The following PSMB1 variants were observed in gnomAD, a reference collection of about 807,000 sequenced individuals.
PSMB1 encodes the protein proteasome subunit beta type-1.
PSMB1 carries 7 observed loss-of-function variants against 25.4 expected under a neutral mutation model. The ratio of observed to expected loss-of-function variants is 0.28; its 90% CI spans 0.16 to 0.52. The LOEUF (loss-of-function observed/expected upper bound fraction) is 0.52. Among genes scored for constraint, PSMB1 ranks in the 20% least tolerant of loss-of-function variants. The pLI, the probability that PSMB1 is intolerant of heterozygous loss-of-function variation, is 0.97. For missense variants in PSMB1, 284 were observed against 302.2 expected (o/e 0.94, Z 0.45); for synonymous variants, 119 against 115.0 (o/e 1.03, Z -0.22).
chr6:170,540,332 C>T (rs904488821), intron 4 of PSMB1, among the ~76,000 whole-genome samples: 1 of 152,118 alleles, frequency 6.6e-6, no homozygotes, highest in African/African-American at 2.4e-5. Flanking sequence ...GAGCAAAACA[C>T]ATGAAATGGA....
chr6:170,540,772 T>G (rs936093513), intron 4 of PSMB1, among the ~76,000 whole-genome samples: 2 of 151,926 alleles, frequency 1.3e-5, no homozygotes, highest in African/African-American at 4.8e-5. Context: ...TCTTGGAAAT[T>G]AATGACACCA....
At chr6:170,553,075 T>C (rs1424301094) in intron 1 of PSMB1, 55 bp downstream of exon 1, 2 of 1,469,250 alleles carry the variant, frequency 1.4e-6, no homozygotes. Flanking sequence ...CTAAATAGGC[T>C]TCAGCAGATG....
In PSMB1 at chr6:170,539,728, G is replaced by A. The variant is rs570004229; in HGVS notation, c.434-2388C>T. On this transcript the variant is annotated intron_variant, in intron 4 of 5. Transcript: ENST00000262193. The stretch of plus-strand genomic sequence containing the variant: ...ATCTGACCCAATACTTCAACTACTC[G>A]AAGTTTATTCTAGCAAGACAAGCAT... Among the ~76,000 whole-genome samples, 98 of 152,128 alleles carry A rather than the reference G, an allele frequency of 6.4e-4. 1 individual carries two copies. In the South Asian group the frequency reaches 0.02, roughly 31 times the overall value.
intron 4 of PSMB1, 83 bp from the exon 5 acceptor site, chr6:170,537,423 G>A: frequency 9.1e-7 from 1 of 1,093,686 alleles, no homozygotes; most frequent in South Asian, 1.4e-5. Flanking sequence ...GTCAAAACGT[G>A]ACACAAAACG....
Position 170,553,247 on chromosome 6 carries a change from C to G in PSMB1, c.-5G>C, listed in dbSNP as rs369947650. On this transcript the variant is annotated 5_prime_UTR_variant, in exon 1 of 6. Transcript: ENST00000262193. ...CATGGCTGTAGAGGACAACATCGCA[C>G]GGCTGCGCCTGCGGATCCGACACTT... 8 of 1,598,730 alleles carry G rather than the reference C, an allele frequency of 5.0e-6. No individual in the cohort carries two copies. The African/African-American group carries it at 1.1e-4, about 21-fold the overall frequency.
rs773088928 is a variant in PSMB1, at chr6:170,549,060, C to A, written c.167G>T (p.Arg56Leu). ...ATGAATTGAAAACCCTTCACTCAAT[C>A]GAGTATCAGAAGCAACAATTGCAAA... ...EDFAIVASDT[R>L]LSEGFSIHTR... Residue 56 changes from arginine (R) to leucine (L), a missense_variant, in exon 2 of 6, where the codon CGA becomes CTA. Transcript: ENST00000262193. The A allele has an allele frequency of 1.2e-6, 2 of 1,613,896 alleles. No individual in the cohort carries two copies. The highest frequency in any genetic ancestry group is 1.7e-6 in the Non-Finnish European group (2 of 1,179,890).
In PSMB1 at chr6:170,546,201, T is replaced by C. The variant is rs766006758; in HGVS notation, c.222-17A>G. 1 of 1,609,686 alleles carries C rather than the reference T, an allele frequency of 6.2e-7. No homozygotes were observed. Among genetic ancestry groups the C allele is most frequent in the Admixed American group, 1.7e-5 (1 of 59,882 alleles). ...TTGTCTGTTCTGTAAAAAGCACATT[T>C]CAGAAAACTGAGCTGGTTAGATAGT... On this transcript the variant is annotated splice_polypyrimidine_tract_variant and intron_variant, in intron 2 of 5. Transcript: ENST00000262193.
At chr6:170,537,436 C>T in intron 4 of PSMB1, 96 bp from the exon 5 acceptor site, 5 of 955,194 alleles carry the variant, frequency 5.2e-6, no homozygotes, top group South Asian at 1.5e-5. Context: ...ACAAAACGGA[C>T]TATCACCTTG....
chr6:170,552,194 G>A (rs190378367), intron 1 of PSMB1, among the ~76,000 whole-genome samples: 1 of 152,292 alleles, frequency 6.6e-6, no homozygotes, highest in East Asian at 1.9e-4. Context: ...TGGGATTACA[G>A]GTGCGAGCCA....
chr6:170,535,632 A>G (rs1236195104), intron 5 of PSMB1, among the ~76,000 whole-genome samples: 6 of 152,366 alleles, frequency 3.9e-5, no homozygotes, highest in East Asian at 3.9e-4. Context: ...TGAGAAGCAC[A>G]TGACCCGGAG....
chr6:170,536,686 T>A (rs1238694500), intron 5 of PSMB1, among the ~76,000 whole-genome samples: 2 of 152,212 alleles, frequency 1.3e-5, no homozygotes, highest in East Asian at 3.8e-4. Flanking sequence ...ATACAGCACA[T>A]AATACATATG....
intron 4 of PSMB1, among the ~76,000 whole-genome samples, chr6:170,541,772 T>C (rs1335328938): frequency 1.3e-5 from 2 of 152,174 alleles, no homozygotes; most frequent in African/African-American, 2.4e-5. Context: ...CACTGTTACA[T>C]GGAAATCAAA....
intron 2 of PSMB1, among the ~76,000 whole-genome samples, chr6:170,548,133 G>A (rs559259163): frequency 2.0e-4 from 31 of 152,306 alleles, no homozygotes; most frequent in Non-Finnish European, 3.8e-4. Flanking sequence ...CTGGGAAGAC[G>A]AAAACAAACT....
chr6:170,543,775 A>T (rs1778784074), intron 3 of PSMB1, 45 bp from the exon 4 acceptor site: 1 of 1,546,404 alleles, frequency 6.5e-7, no homozygotes, highest in Non-Finnish European at 8.8e-7. Context: ...GGCAGAGGCC[A>T]TTATAGACTA....
At chr6:170,538,761 C>T (rs1374827245) in intron 4 of PSMB1, among the ~76,000 whole-genome samples, 10 of 152,116 alleles carry the variant, frequency 6.6e-5, no homozygotes, top group Admixed American at 6.5e-4. Flanking sequence ...TCTGAGGTCA[C>T]CTAAGAAACT....
intron 2 of PSMB1, 98 bp from the exon 3 acceptor site, chr6:170,546,282 C>G: frequency 2.1e-6 from 2 of 946,808 alleles, no homozygotes; most frequent in East Asian, 2.6e-5. Flanking sequence ...CCCACTATTC[C>G]CTAAATGGTA....
chr6:170,549,658 CAA>C (rs1778866679), intron 1 of PSMB1: 1 of 152,196 alleles, frequency 6.6e-6, no homozygotes, highest in South Asian at 2.1e-4. Flanking sequence ...GACAGCTTAT[CAA>C]AGAGACTTAC....
At position 170,553,171 on chromosome 6, in the gene PSMB1, G is replaced by C. The variant is rs1166481195; in HGVS notation, c.72C>G (p.Gly24=). The change falls in exon 1 of 6, where the codon GGC becomes GGG. Residue 24 remains glycine, a synonymous_variant. Coordinates refer to ENST00000262193, the MANE Select transcript of PSMB1 (RefSeq NM_002793.4). ...DLGMEPHRAA[G]PLQLRFSPYV... Reference sequence around the variant, plus strand: ...AGGGCGAAAATCGCAGCTGCAAAGGGCCCGCGGCTCTGTGCGGTTCCATCC... The same window carrying C: ...AGGGCGAAAATCGCAGCTGCAAAGGCCCCGCGGCTCTGTGCGGTTCCATCC... 2.5e-6 allele frequency: 4 copies of C among 1,613,660 alleles called. No homozygotes were observed. The highest frequency in any genetic ancestry group is 1.3e-5 in the African/African-American group (1 of 74,940).
At chr6:170,552,620 C>A (rs1437707075) in intron 1 of PSMB1, among the ~76,000 whole-genome samples, 1 of 152,116 alleles carries the variant, frequency 6.6e-6, no homozygotes, top group African/African-American at 2.4e-5. Context: ...TTAGAAATAA[C>A]AGAAATCAGG....
Sources: gnomAD v4.1 joint callset for allele counts (sites outside exome capture counted in the v4.1 genomes callset) on GRCh38, gnomAD v4.1.1 for gene constraint, MANE v1.5 for transcripts, NCBI Gene and HGNC (gene_info 2026-07-23, HGNC 2026-07-21) for gene names.